The following THEMIS variants were observed in gnomAD, a reference collection of about 807,000 sequenced individuals.
THEMIS encodes protein THEMIS.
THEMIS carries 37 observed loss-of-function variants against 52.6 expected under a neutral mutation model. The ratio of observed to expected loss-of-function variants is 0.70; its 90% confidence interval spans 0.54 to 0.93. The LOEUF is 0.93. Among genes scored for constraint, THEMIS ranks in the 40% least tolerant of loss-of-function variants. The pLI is 0.00. For synonymous variants in THEMIS, 292 were observed against 272.7 expected (o/e 1.07, Z -0.70); for missense variants, 808 against 763.1 (o/e 1.06, Z -0.69).
At chr6:127,888,601 G>A (rs955953121) in intron 1 of THEMIS, among the ~76,000 whole-genome samples, 1 of 151,880 alleles carries the variant, frequency 6.6e-6, no homozygotes, top group Non-Finnish European at 1.5e-5. Context: ...ATGCATTTCT[G>A]CATTTATAAA....
chr6:127,871,434 C>A (rs910280440), intron 1 of THEMIS, among the ~76,000 whole-genome samples: 1 of 151,432 alleles, frequency 6.6e-6, no homozygotes, highest in African/African-American at 2.4e-5. Context: ...TAGAAAAGAG[C>A]AATAGCCTCA....
At chr6:127,893,080 T>A (rs1780860233) in intron 1 of THEMIS, among the ~76,000 whole-genome samples, 2 of 152,098 alleles carry the variant, frequency 1.3e-5, no homozygotes, top group Middle Eastern at 3.4e-3. Context: ...GTAGTTTGGG[T>A]TTTTTTGGAA....
chr6:127,788,323 CA>C (rs1434999603), intron 4 of THEMIS, among the ~76,000 whole-genome samples: 1 of 152,122 alleles, frequency 6.6e-6, no homozygotes, highest in Non-Finnish European at 1.5e-5. Flanking sequence ...AATTGCCTCT[CA>C]ATAATCAAAT....
chr6:127,812,763 G>A (rs1235666388), intron 4 of THEMIS, 120 bp downstream of exon 4: 2 of 994,430 alleles, frequency 2.0e-6, no homozygotes, highest in African/African-American at 1.6e-5. Flanking sequence ...CATCAGAAAA[G>A]CTCATTGCAA....
At chr6:127,746,511 C>A (rs1775394428) in intron 4 of THEMIS, among the ~76,000 whole-genome samples, 1 of 149,638 alleles carries the variant, frequency 6.7e-6, no homozygotes. Flanking sequence ...TATTCAATCA[C>A]AAATTTGGTA....
At chr6:127,910,362 A>G (rs1174770581) in intron 1 of THEMIS, among the ~76,000 whole-genome samples, 4 of 152,146 alleles carry the variant, frequency 2.6e-5, no homozygotes, top group Admixed American at 6.6e-5. Context: ...TTACATATTT[A>G]TCTTTAAGAA....
intron 4 of THEMIS, among the ~76,000 whole-genome samples, chr6:127,787,037 T>C (rs960458758): frequency 2.0e-5 from 3 of 152,070 alleles, no homozygotes; most frequent in African/African-American, 7.2e-5. Flanking sequence ...GGAATCTCCC[T>C]GAAAAAGCAC....
chr6:127,899,497 A>G (rs1175028660), intron 1 of THEMIS, among the ~76,000 whole-genome samples: 1 of 151,926 alleles, frequency 6.6e-6, no homozygotes, highest in Non-Finnish European at 1.5e-5. Flanking sequence ...ACAAAAATCA[A>G]TGGCGGAAAG....
chr6:127,777,586 G>A (rs916506369), intron 4 of THEMIS, among the ~76,000 whole-genome samples: 23 of 152,078 alleles, frequency 1.5e-4, no homozygotes, highest in Middle Eastern at 6.8e-3. Context: ...TGGCTATCTG[G>A]GAATAGCATG....
At chr6:127,797,179 G>A (rs1169173426) in intron 4 of THEMIS, among the ~76,000 whole-genome samples, 2 of 152,150 alleles carry the variant, frequency 1.3e-5, no homozygotes, top group African/African-American at 4.8e-5. Context: ...AGGGCCTTGG[G>A]AGAAAGTGGA....
intron 4 of THEMIS, among the ~76,000 whole-genome samples, chr6:127,786,197 G>A (rs269990): frequency 0.27 from 40,360 of 151,940 alleles, 6,907 homozygotes; most frequent in Non-Finnish European, 0.39. Flanking sequence ...TTTTTCTCAG[G>A]TAACAGAAAG....
chr6:127,787,276 G>GCACACA (rs142121636), intron 4 of THEMIS, among the ~76,000 whole-genome samples: 1 of 149,072 alleles, frequency 6.7e-6, no homozygotes, highest in African/African-American at 2.5e-5. Context: ...ATGTGTGCAC[G>GCACACA]CACACACACA....
intron 3 of THEMIS, among the ~76,000 whole-genome samples, chr6:127,824,150 G>A (rs1583318902): frequency 6.6e-6 from 1 of 152,232 alleles, no homozygotes; most frequent in Non-Finnish European, 1.5e-5. Context: ...AGGGGAGATA[G>A]GTGACCACTT....
At chr6:127,902,686 A>T (rs1403994201), upstream of THEMIS, among the ~76,000 whole-genome samples, 1 of 152,086 alleles carries the variant, frequency 6.6e-6, no homozygotes, top group Non-Finnish European at 1.5e-5. Flanking sequence ...CTATCATTAG[A>T]TTCAAATTCC....
upstream of THEMIS, among the ~76,000 whole-genome samples, chr6:127,902,625 T>C (rs1185097501): frequency 1.3e-5 from 2 of 152,108 alleles, no homozygotes; most frequent in Non-Finnish European, 2.9e-5. Context: ...TCCAGCTTCA[T>C]TTCTTTCTTT....
At chr6:127,838,818 T>G (rs1778953435) in intron 2 of THEMIS, among the ~76,000 whole-genome samples, 1 of 152,144 alleles carries the variant, frequency 6.6e-6, no homozygotes, top group Non-Finnish European at 1.5e-5. Flanking sequence ...TGCATTAAAG[T>G]CTGTTTCTGA....
chr6:127,795,849 G>C (rs988028297), intron 4 of THEMIS, among the ~76,000 whole-genome samples: 1 of 152,160 alleles, frequency 6.6e-6, no homozygotes, highest in Non-Finnish European at 1.5e-5. Context: ...GTCCTACATT[G>C]TAAGTAACTG....
chr6:127,788,770 C>T (rs982402292), intron 4 of THEMIS, among the ~76,000 whole-genome samples: 1 of 152,146 alleles, frequency 6.6e-6, no homozygotes, highest in Non-Finnish European at 1.5e-5. Context: ...TTAATCCTCA[C>T]TAACCCCTCC....
rs1460735848 is a variant in THEMIS, at chr6:127,855,104, A to G, written c.176T>C (p.Ile59Thr). 1.2e-6 allele frequency: 2 copies of G among 1,611,384 alleles called. No homozygotes were observed. The highest frequency in any genetic ancestry group is 1.7e-5 in the Admixed American group (1 of 59,690). The change falls in exon 2 of 6, where the codon ATC becomes ACC. Residue 59 changes from isoleucine to threonine, a missense_variant. By Grantham distance (89) the Ile-to-Thr change is moderately conservative. Coordinates refer to ENST00000368248, the MANE Select transcript of THEMIS (RefSeq NM_001010923.3). ...AATCTGCTCACAAATTTCAGCTATG[A>G]TCTTCTTAACTTTGAGACCAGTAAT... The part of the protein sequence containing the change: ...IKITGLKVKK[I>T]IAEICEQIEG...
Sources: gnomAD v4.1 joint callset for allele counts (sites outside exome capture counted in the v4.1 genomes callset) on GRCh38, gnomAD v4.1.1 for gene constraint, MANE v1.5 for transcripts, NCBI Gene and HGNC (gene_info 2026-07-23, HGNC 2026-07-21) for gene names.